CAMK4: variants seen among roughly 807,000 people sequenced by gnomAD.
CAMK4 encodes calcium/calmodulin-dependent protein kinase type IV.
Under a neutral mutation model 44.9 loss-of-function variants are expected in CAMK4, and 22 were observed. The observed-to-expected ratio is 0.49, with a 90% CI of 0.35 to 0.70. The LOEUF (loss-of-function observed/expected upper bound fraction) is 0.70. CAMK4 is among the 30% of genes least tolerant of loss of function. CAMK4 has a pLI of 0.01. For missense variants in CAMK4, 498 were observed against 586.8 expected (o/e 0.85, Z 1.56); for synonymous variants, 218 against 215.4 (o/e 1.01, Z -0.11).
At position 111,395,216 on chromosome 5, in the gene CAMK4, AAAAAAAAAAAAG is replaced by A. The variant is rs1408677515; in HGVS notation, c.459+452_459+463del. Among the ~76,000 whole-genome samples the A allele has an allele frequency of 2.4e-4, 28 of 115,284 alleles. 1 individual carries two copies. Among genetic ancestry groups the A allele is most frequent in the Non-Finnish European group, 1.7e-5 (1 of 58,590 alleles). 75.6% of individuals were successfully genotyped at this position (115,284 alleles called of 152,430 possible). A position where few individuals can be genotyped will look rare whatever the true frequency, so the allele number is the denominator to read the frequency against. On this transcript the variant is annotated intron_variant, in intron 5 of 10. Coordinates refer to ENST00000282356, the MANE Select transcript of CAMK4 (RefSeq NM_001744.6). ...GAGAGAGAGAGACCCTGTCTCAAAAAAAAAAAAAAAAGAAAAAAAAAAAGAAAAAGAAAAAAG... is the reference window on the plus strand; with the variant it reads ...GAGAGAGAGAGACCCTGTCTCAAAAAAAAAAAAAAAAGAAAAAGAAAAAAG...
intron 1 of CAMK4, among the ~76,000 whole-genome samples, chr5:111,320,282 A>T (rs747573389): frequency 5.3e-5 from 8 of 152,150 alleles, no homozygotes; most frequent in South Asian, 2.1e-4. Flanking sequence ...GATAGTGAGC[A>T]TAGGGGAGGG....
In CAMK4 at chr5:111,399,282, A is replaced by G. The variant is rs952143679; in HGVS notation, c.459+4500A>G. ...CCTGGGGAGCTCTTCATGTCTTTCTATGGCTCATTTCTCTACTTCTTTCAG... is the reference window on the plus strand; with the variant it reads ...CCTGGGGAGCTCTTCATGTCTTTCTGTGGCTCATTTCTCTACTTCTTTCAG... On this transcript the variant is annotated intron_variant, in intron 5 of 10. Coordinates refer to ENST00000282356, the MANE Select transcript of CAMK4 (RefSeq NM_001744.6). Among the ~76,000 whole-genome samples the G allele has an allele frequency of 2.0e-5, 3 of 152,052 alleles. No individual in the cohort carries two copies. The South Asian group carries it at 6.2e-4, about 32-fold the overall frequency.
chr5:111,249,666 ATGTGTGTGTGTG>A lies in CAMK4; in HGVS notation c.161+25050_161+25061del, dbSNP rs3066628. On this transcript the variant is annotated intron_variant, in intron 1 of 10. Coordinates refer to ENST00000282356, the MANE Select transcript of CAMK4 (RefSeq NM_001744.6). ...TATATGTGTGTGTGTGTGTATATAT[ATGTGTGTGTGTG>A]TGTGTGTGTGTGTGTGTGTGTGTGT... 1.5e-4 allele frequency among the ~76,000 whole-genome samples: 21 copies of A among 140,732 alleles called. 1 individual carries two copies. Among genetic ancestry groups the A allele is most frequent in the South Asian group, 4.6e-4 (2 of 4,370 alleles). The allele number at this position is 140,732 out of a possible 152,430, so 92.3% of individuals were successfully genotyped here.
intron 4 of CAMK4, among the ~76,000 whole-genome samples, chr5:111,390,704 G>C (rs933497091): frequency 6.6e-6 from 1 of 152,182 alleles, no homozygotes; most frequent in Admixed American, 6.5e-5. Flanking sequence ...TAGCAACAAA[G>C]TAGTTTTTCA....
At position 111,370,750 on chromosome 5, in the gene CAMK4, AC is replaced by A. The variant is rs1750972407; in HGVS notation, c.241-4098del. The stretch of plus-strand genomic sequence containing the variant: ...GCCAACATGATGAAACCCCGTCTCT[AC>A]CAGAAATACAAAAATTTGCTGGATG... On this transcript the variant is annotated intron_variant, in intron 2 of 10. Coordinates refer to ENST00000282356, the MANE Select transcript of CAMK4 (RefSeq NM_001744.6). Among the ~76,000 whole-genome samples, 4 of 152,088 alleles carry A rather than the reference AC, an allele frequency of 2.6e-5. No individual in the cohort carries two copies. The South Asian group carries it at 8.3e-4, about 32-fold the overall frequency.
intron 3 of CAMK4, among the ~76,000 whole-genome samples, chr5:111,375,273 A>T (rs1182943066): frequency 6.6e-6 from 1 of 152,208 alleles, no homozygotes; most frequent in Non-Finnish European, 1.5e-5. Flanking sequence ...TGAAGAAAAT[A>T]CATTGCTTTC....
chr5:111,308,502 A>G (rs143248571), intron 1 of CAMK4, among the ~76,000 whole-genome samples: 4 of 152,208 alleles, frequency 2.6e-5, no homozygotes, highest in Non-Finnish European at 5.9e-5. Flanking sequence ...TCATTCAAAG[A>G]TATTTATCTA....
intron 5 of CAMK4, among the ~76,000 whole-genome samples, chr5:111,408,055 G>A (rs1752500650): frequency 6.6e-6 from 1 of 152,056 alleles, no homozygotes; most frequent in Admixed American, 6.5e-5. Flanking sequence ...GTTGTAGTGA[G>A]CCAAGATCAC....
intron 4 of CAMK4, among the ~76,000 whole-genome samples, chr5:111,378,555 T>A (rs1414836568): frequency 6.6e-6 from 1 of 152,168 alleles, no homozygotes; most frequent in Non-Finnish European, 1.5e-5. Context: ...GTGTAACAGA[T>A]ACACATCTGA....
At chr5:111,343,048 C>A (rs2112750766) in intron 1 of CAMK4, among the ~76,000 whole-genome samples, 1 of 151,612 alleles carries the variant, frequency 6.6e-6, no homozygotes, top group Middle Eastern at 3.4e-3. Flanking sequence ...TTCATTTATT[C>A]TATTTCTTGA....
chr5:111,462,952 A>G (rs1259822622), intron 7 of CAMK4, among the ~76,000 whole-genome samples: 1 of 152,224 alleles, frequency 6.6e-6, no homozygotes, highest in African/African-American at 2.4e-5. Flanking sequence ...TAATGAATAT[A>G]TAATATAAGG....
intron 2 of CAMK4, among the ~76,000 whole-genome samples, chr5:111,369,266 T>C (rs1289482838): frequency 3.3e-5 from 5 of 152,100 alleles, no homozygotes; most frequent in East Asian, 3.9e-4. Flanking sequence ...GGTTTCACCA[T>C]GTTGGCCAGG....
chr5:111,401,313 A>G (rs1449308646), intron 5 of CAMK4, among the ~76,000 whole-genome samples: 1 of 152,034 alleles, frequency 6.6e-6, no homozygotes, highest in Non-Finnish European at 1.5e-5. Flanking sequence ...TAATTTTTGT[A>G]TTTTTAGTAG....
In CAMK4 at chr5:111,303,778, G is replaced by C. The variant is rs1275450912; in HGVS notation, c.162-40246G>C. Among the ~76,000 whole-genome samples the C allele has an allele frequency of 5.3e-3, 736 of 140,134 alleles. 2 individuals are homozygous for C. Among genetic ancestry groups the C allele is most frequent in the African/African-American group, 0.019 (602 of 30,988 alleles). 91.9% of individuals were successfully genotyped at this position (140,134 alleles called of 152,430 possible). A position where few individuals can be genotyped will look rare whatever the true frequency, so the allele number is the denominator to read the frequency against. On this transcript the variant is annotated intron_variant, in intron 1 of 10. Coordinates refer to ENST00000282356, the MANE Select transcript of CAMK4 (RefSeq NM_001744.6). ...AGATACTCCTCGAGAAGAGCAACTC[G>C]AAGACACATAATTGTCAGATTCACC...
intron 1 of CAMK4, among the ~76,000 whole-genome samples, chr5:111,280,296 G>A (rs563356936): frequency 1.3e-5 from 2 of 152,270 alleles, no homozygotes; most frequent in East Asian, 3.9e-4. Context: ...GCGAATTACA[G>A]ATTTTTATAT....
chr5:111,396,265 T>A (rs1752003195), intron 5 of CAMK4, among the ~76,000 whole-genome samples: 1 of 152,224 alleles, frequency 6.6e-6, no homozygotes, highest in Non-Finnish European at 1.5e-5. Context: ...TTTTGATCTT[T>A]TTGCTATGGT....
At chr5:111,456,218 T>G (rs933149780) in intron 7 of CAMK4, among the ~76,000 whole-genome samples, 2 of 152,016 alleles carry the variant, frequency 1.3e-5, no homozygotes, top group African/African-American at 4.8e-5. Context: ...AAAAAATTTC[T>G]CGGCCGGGCG....
chr5:111,244,254 G>GT (rs1478488270), intron 1 of CAMK4, among the ~76,000 whole-genome samples: 1 of 152,008 alleles, frequency 6.6e-6, no homozygotes, highest in African/African-American at 2.4e-5. Context: ...TTTCTACCTT[G>GT]TATGTTTTGC....
chr5:111,437,577 A>G (rs961994895), intron 5 of CAMK4, among the ~76,000 whole-genome samples: 10 of 152,214 alleles, frequency 6.6e-5, no homozygotes, highest in African/African-American at 2.4e-4. Context: ...GAGAGGATAT[A>G]AGAGCTGACA....
Sources: allele counts gnomAD v4.1 joint callset (sites outside exome capture counted in the v4.1 genomes callset), GRCh38; gene constraint gnomAD v4.1.1; transcripts MANE v1.5; gene names NCBI Gene and HGNC (gene_info 2026-07-23, HGNC 2026-07-21).